The following TYW1B variants were observed in gnomAD, a reference collection of about 807,000 sequenced individuals.
TYW1B encodes S-adenosyl-L-methionine-dependent tRNA 4-demethylwyosine synthase TYW1B.
A neutral mutation model predicts 86.9 loss-of-function variants in TYW1B; 73 were observed. The ratio of observed to expected loss-of-function variants is 0.84; its 90% confidence interval spans 0.70 to 1.02. The LOEUF (loss-of-function observed/expected upper bound fraction) is 1.02, where lower values mean the gene tolerates loss of function less well. Ranked by LOEUF, TYW1B falls within the 50% of genes least tolerant of loss-of-function variation. TYW1B has a pLI of 0.00. For missense variants in TYW1B, 637 were observed against 827.4 expected, an observed-to-expected ratio of 0.77 and a Z score of 2.82; for synonymous variants, 248 against 292.8, an observed-to-expected ratio of 0.85 and a Z score of 1.56.
chr7:72,638,270 T>G (rs1812720227), intron 11 of TYW1B, among the ~76,000 whole-genome samples: 2 of 151,914 alleles, frequency 1.3e-5, no homozygotes, highest in South Asian at 4.2e-4. Context: ...AGTTCTCCAC[T>G]AAAATACTCC....
chr7:72,632,839 C>G (rs1439717833), intron 11 of TYW1B, among the ~76,000 whole-genome samples: 2 of 152,144 alleles, frequency 1.3e-5, no homozygotes, highest in African/African-American at 4.8e-5. Flanking sequence ...CTTCACTTTA[C>G]AGATATGAAG....
intron 6 of TYW1B, among the ~76,000 whole-genome samples, chr7:72,792,223 A>G (rs1385193118): frequency 6.6e-6 from 1 of 151,994 alleles, no homozygotes; most frequent in Non-Finnish European, 1.5e-5. Flanking sequence ...GCTACTCGGG[A>G]GGATGAGGCA....
At chr7:72,618,227 ATTTTTTTTTTTTT>A (rs869158136) in intron 12 of TYW1B, among the ~76,000 whole-genome samples, 6 of 103,940 alleles carry the variant, frequency 5.8e-5, no homozygotes, top group East Asian at 3.3e-4. Context: ...ATGACACTGA[ATTTTTTTTTTTTT>A]TTTTTTTTTT....
At position 72,575,568 on chromosome 7, in the gene TYW1B, T is replaced by C. The variant is rs1811001518; in HGVS notation, c.1937A>G (p.Glu646Gly). ...TGTGTCCTTGGGATCAAAGCTTCTT[T>C]CATTGGCACCAAATAATGCCCAGTG... ...TPHWALFGAN[E>G]RSFDPKDTRH... The change falls in exon 14 of 14, where the codon GAA becomes GGA. Residue 646 changes from glutamate to glycine, a missense_variant. Physicochemically the swap from Glu to Gly is moderately conservative, Grantham distance 98 (BLOSUM62 -2). Transcript: ENST00000620995. 1.2e-6 allele frequency: 2 copies of C among 1,613,864 alleles called. No homozygotes were observed. Among genetic ancestry groups the C allele is most frequent in the East Asian group, 4.5e-5 (2 of 44,896 alleles).
chr7:72,690,974 A>C (rs532001423), intron 11 of TYW1B, among the ~76,000 whole-genome samples: 1 of 152,188 alleles, frequency 6.6e-6, no homozygotes, highest in East Asian at 1.9e-4. Flanking sequence ...GCTGGTCTTC[A>C]ACTCCTGACC....
At chr7:72,737,851 T>G (rs1213876694) in intron 8 of TYW1B, among the ~76,000 whole-genome samples, 2 of 150,006 alleles carry the variant, frequency 1.3e-5, no homozygotes, top group African/African-American at 2.4e-5. Context: ...CTCGGCTCAC[T>G]GCAAGCTCCA....
intron 8 of TYW1B, among the ~76,000 whole-genome samples, chr7:72,740,861 G>T (rs1415531074): frequency 6.6e-6 from 1 of 151,134 alleles, no homozygotes; most frequent in African/African-American, 2.4e-5. Context: ...CTCCCAAGTA[G>T]CTGGGACTAC....
intron 7 of TYW1B, among the ~76,000 whole-genome samples, chr7:72,752,967 A>G (rs1787526441): frequency 6.6e-6 from 1 of 152,202 alleles, no homozygotes; most frequent in African/African-American, 2.4e-5. Flanking sequence ...CATTACATTC[A>G]AAAACAAGGG....
chr7:72,655,740 T>C (rs1340073567), intron 11 of TYW1B, among the ~76,000 whole-genome samples: 3 of 152,298 alleles, frequency 2.0e-5, no homozygotes, highest in East Asian at 1.9e-4. Flanking sequence ...GCCGCCAATG[T>C]ACCTGCATAC....
chr7:72,647,882 C>T (rs112059628), intron 11 of TYW1B, among the ~76,000 whole-genome samples: 11 of 151,794 alleles, frequency 7.2e-5, no homozygotes, highest in Admixed American at 7.2e-4. Context: ...AGAGATGTTT[C>T]GCTATGTTGC....
In TYW1B at chr7:72,694,810, T is replaced by C. The variant is rs782574801; in HGVS notation, c.1383A>G (p.Pro461=). ...QFPAEIRNLE[P]VTQLYVSVDA... is the part of the protein sequence containing the mutation. ...CCACACTGACATACAGCTGAGTAAC[T>C]GGCTCGAGGTTCCTTAGTAATTTTT... The change falls in exon 11 of 14, where the codon CCA becomes CCG. Residue 461 remains proline, a synonymous_variant. Transcript: ENST00000620995. 27 of 1,584,548 alleles carry C rather than the reference T, an allele frequency of 1.7e-5. No homozygotes were observed. The highest frequency in any genetic ancestry group is 1.7e-5 in the Non-Finnish European group (20 of 1,172,458).
intron 13 of TYW1B, among the ~76,000 whole-genome samples, chr7:72,601,539 T>C (rs1469946259): frequency 3.9e-5 from 6 of 152,206 alleles, no homozygotes; most frequent in Admixed American, 6.5e-5. Context: ...TTTGAAAACA[T>C]ATTCACACAA....
At chr7:72,732,968 T>G (rs1787138233) in intron 8 of TYW1B, among the ~76,000 whole-genome samples, 1 of 152,086 alleles carries the variant, frequency 6.6e-6, no homozygotes, top group Admixed American at 6.5e-5. Flanking sequence ...TATAACCAAC[T>G]GTACACCAAC....
At chr7:72,652,608 G>C (rs1296063288) in intron 11 of TYW1B, among the ~76,000 whole-genome samples, 12 of 152,192 alleles carry the variant, frequency 7.9e-5, no homozygotes, top group Non-Finnish European at 1.5e-4. Flanking sequence ...CCTTTGGAGT[G>C]CTAGTTATAC....
intron 7 of TYW1B, among the ~76,000 whole-genome samples, chr7:72,747,493 T>C (rs1462486635): frequency 2.6e-5 from 4 of 152,208 alleles, no homozygotes; most frequent in Non-Finnish European, 5.9e-5. Flanking sequence ...TTAAACATAT[T>C]TTGTGAGTCT....
intron 13 of TYW1B, among the ~76,000 whole-genome samples, chr7:72,601,149 A>T (rs201613337): frequency 0.026 from 1,292 of 48,842 alleles, 10 homozygotes; most frequent in Non-Finnish European, 0.026. Flanking sequence ...CTCAAAATAT[A>T]AAAAAAAAAA....
rs551688186 is a variant in TYW1B at position 72,757,912 on chromosome 7, C to A, written c.965-13311G>T. Among the ~76,000 whole-genome samples the A allele has an allele frequency of 2.6e-5, 4 of 152,250 alleles. No individual in the cohort carries two copies. The South Asian group carries it at 8.3e-4, about 32-fold the overall frequency. On this transcript the variant is annotated intron_variant, in intron 7 of 13. Transcript: ENST00000620995. ...TAATGACTTCAAAACAATTCTGTAACACTCCTCATTTTTTCCTTTATAGCT... is the reference window on the plus strand; with the variant it reads ...TAATGACTTCAAAACAATTCTGTAAAACTCCTCATTTTTTCCTTTATAGCT...
intron 13 of TYW1B, among the ~76,000 whole-genome samples, chr7:72,578,128 T>C (rs1470237295): frequency 6.6e-6 from 1 of 151,178 alleles, no homozygotes; most frequent in East Asian, 1.9e-4. Flanking sequence ...TTTTTTTTTT[T>C]TTTGAGACGG....
intron 5 of TYW1B, among the ~76,000 whole-genome samples, chr7:72,803,578 T>C (rs541243211): frequency 6.6e-6 from 1 of 152,276 alleles, no homozygotes; most frequent in East Asian, 1.9e-4. Flanking sequence ...CTTTCTCCAA[T>C]GAAGGATAAG....
Sources: gnomAD v4.1 joint callset for allele counts (sites outside exome capture counted in the v4.1 genomes callset) on GRCh38, gnomAD v4.1.1 for gene constraint, MANE v1.5 for transcripts, NCBI Gene and HGNC (gene_info 2026-07-23, HGNC 2026-07-21) for gene names.